Variants in SLC47A2 observed in about 807,000 individuals in gnomAD.
The protein encoded by SLC47A2 is solute carrier family 47 member 2.
Under a neutral mutation model 67.7 loss-of-function variants are expected in SLC47A2, and 52 were observed. The observed-to-expected ratio is 0.77, with a 90% CI of 0.61 to 0.97. The LOEUF (loss-of-function observed/expected upper bound fraction) is 0.97. Among genes scored for constraint, SLC47A2 ranks in the 50% least tolerant of loss-of-function variants. The pLI is 0.00. For synonymous variants in SLC47A2, 278 were observed against 292.9 expected, an observed-to-expected ratio of 0.95 and a Z score of 0.52; for missense variants, 676 against 712.3, an observed-to-expected ratio of 0.95 and a Z score of 0.58.
At chr17:19,713,603 A>G (rs1280560342) in intron 4 of SLC47A2, among the ~76,000 whole-genome samples, 2 of 152,214 alleles carry the variant, frequency 1.3e-5, no homozygotes, top group African/African-American at 4.8e-5. Context: ...CTAAATTAAA[A>G]CTGGGCGTTT....
chr17:19,718,453 G>C (rs780494913), upstream of SLC47A2: 2 of 152,348 alleles, frequency 1.3e-5, no homozygotes, highest in Non-Finnish European at 2.9e-5. Flanking sequence ...CCATCAGCTC[G>C]GTGACATCAG....
chr17:19,690,168 G>A (rs1165403438), intron 13 of SLC47A2, among the ~76,000 whole-genome samples: 2 of 152,056 alleles, frequency 1.3e-5, no homozygotes, highest in South Asian at 2.1e-4. Context: ...CATACATGGG[G>A]GAAAGGACAG....
At chr17:19,684,812 CCT>C (rs1467939396) in intron 13 of SLC47A2, among the ~76,000 whole-genome samples, 2 of 147,878 alleles carry the variant, frequency 1.4e-5, no homozygotes, top group African/African-American at 2.7e-5. Context: ...TACTTTTCGC[CCT>C]CTCCCTCTCC....
intron 2 of SLC47A2, 61 bp downstream of exon 2, chr17:19,715,055 G>T: frequency 6.4e-7 from 1 of 1,557,124 alleles, no homozygotes; most frequent in Non-Finnish European, 8.8e-7. Flanking sequence ...GCCCACCCGG[G>T]AACCCGGTGG....
rs563442400 is a variant in SLC47A2 at position 19,680,020 on chromosome 17, C to T, written c.1412G>A (p.Arg471Gln). 45 of 1,613,938 alleles carry T rather than the reference C, an allele frequency of 2.8e-5. No homozygotes were observed. The highest frequency in any genetic ancestry group is 2.0e-4 in the African/African-American group (15 of 74,994). The part of the protein sequence containing the change: ...AAEEAKKHSG[R>Q]QQQQRAESTA... ...GCTCTCTGCTCTCTGCTGCTGCTGC[C>T]GGCCTGAATGTTTCTTAGCCTAAAG... is the stretch of plus-strand genomic sequence containing the variant. The change falls in exon 16 of 17, where the codon CGG (arginine) becomes CAG (glutamine). Residue 471 changes from arginine (R) to glutamine (Q), a missense_variant. Physicochemically the swap from Arg to Gln is conservative, Grantham distance 43 (BLOSUM62 1). Coordinates refer to ENST00000433844, the MANE Select transcript of SLC47A2 (RefSeq NM_001099646.3).
chr17:19,704,940 C>A, intron 10 of SLC47A2: 1 of 417,432 alleles, frequency 2.4e-6, no homozygotes, highest in Non-Finnish European at 4.2e-6. Flanking sequence ...ATTCTTCTGC[C>A]TCAGCCTCCC....
At chr17:19,701,022 G>A (rs966152418) in intron 13 of SLC47A2, among the ~76,000 whole-genome samples, 3 of 151,704 alleles carry the variant, frequency 2.0e-5, no homozygotes, top group Non-Finnish European at 4.4e-5. Context: ...ACAAAAATTA[G>A]CCAGGCATGG....
At chr17:19,687,467 C>T (rs1296263034) in intron 13 of SLC47A2, among the ~76,000 whole-genome samples, 1 of 151,594 alleles carries the variant, frequency 6.6e-6, no homozygotes, top group Non-Finnish European at 1.5e-5. Context: ...GCAAACCAAA[C>T]CCAAAATTAG....
At chr17:19,678,954 A>G in intron 16 of SLC47A2, 48 bp from the exon 17 acceptor site, 1 of 1,519,210 alleles carries the variant, frequency 6.6e-7, no homozygotes, top group South Asian at 1.2e-5. Flanking sequence ...GGTCAGAGGG[A>G]GAGCTTTGGC....
chr17:19,686,687 G>A (rs567659433), intron 13 of SLC47A2, among the ~76,000 whole-genome samples: 12 of 152,276 alleles, frequency 7.9e-5, no homozygotes, highest in African/African-American at 2.6e-4. Context: ...GACCAAAACT[G>A]TAAAAAGAGA....
rs1003261384 is a variant in SLC47A2 at position 19,678,908 on chromosome 17, T to C, written c.1481-2A>G. On this transcript the variant is annotated splice_acceptor_variant, in intron 16 of 16. Coordinates refer to ENST00000433844, the MANE Select transcript of SLC47A2 (RefSeq NM_001099646.3). LOFTEE classifies it high-confidence loss of function. ...TGCCAGGGGAACTGCCTGTAGCCAC[T>C]GCGGAAGCAAACAGGAGCAAACTCA... The C allele has an allele frequency of 9.0e-6, 14 of 1,563,634 alleles. No homozygotes were observed. Among genetic ancestry groups the C allele is most frequent in the Non-Finnish European group, 1.1e-5 (13 of 1,152,632 alleles).
intron 5 of SLC47A2, 126 bp from the exon 6 acceptor site, chr17:19,708,886 C>G: frequency 1.6e-6 from 2 of 1,230,208 alleles, no homozygotes; most frequent in Non-Finnish European, 1.2e-6. Context: ...CAAAGTATGT[C>G]TGGGACCTCT....
chr17:19,699,932 C>CT (rs1373685669), intron 13 of SLC47A2, among the ~76,000 whole-genome samples: 1 of 152,150 alleles, frequency 6.6e-6, no homozygotes, highest in Non-Finnish European at 1.5e-5. Context: ...TACAATGGAA[C>CT]TACTCGGTAA....
intron 15 of SLC47A2, among the ~76,000 whole-genome samples, chr17:19,680,869 T>TA (rs1453633640): frequency 1.3e-5 from 2 of 152,178 alleles, no homozygotes; most frequent in Non-Finnish European, 2.9e-5. Context: ...GCATGCTTCT[T>TA]ATACTGGCCA....
At chr17:19,697,019 T>C (rs981106977) in intron 13 of SLC47A2, among the ~76,000 whole-genome samples, 37 of 152,094 alleles carry the variant, frequency 2.4e-4, no homozygotes, top group African/African-American at 8.9e-4. Context: ...AGGCCAGGCG[T>C]GGTGGCTCAC....
intron 13 of SLC47A2, among the ~76,000 whole-genome samples, chr17:19,699,812 C>A (rs1477327178): frequency 2.0e-5 from 3 of 152,186 alleles, no homozygotes; most frequent in Non-Finnish European, 4.4e-5. Flanking sequence ...CAAATCCACA[C>A]AAAGACTTCC....
chr17:19,710,773 G>A (rs899849360), intron 5 of SLC47A2, among the ~76,000 whole-genome samples: 6 of 149,660 alleles, frequency 4.0e-5, no homozygotes, highest in East Asian at 2.0e-4. Flanking sequence ...TTTTAAGCTC[G>A]TTAAAGACAT....
intron 13 of SLC47A2, among the ~76,000 whole-genome samples, chr17:19,691,294 T>C (rs2085535283): frequency 6.6e-6 from 1 of 152,178 alleles, no homozygotes; most frequent in Non-Finnish European, 1.5e-5. Context: ...AAGAGATACC[T>C]GCACTCCCAT....
At chr17:19,705,566 A>G (rs995790176) in intron 9 of SLC47A2, 63 bp from the exon 10 acceptor site, 7 of 1,499,100 alleles carry the variant, frequency 4.7e-6, no homozygotes, top group Middle Eastern at 2.2e-4. Flanking sequence ...CTGCGCCGAC[A>G]GGACGCTGCT....
Sources: gnomAD v4.1 joint callset for allele counts (sites outside exome capture counted in the v4.1 genomes callset) on GRCh38, gnomAD v4.1.1 for gene constraint, MANE v1.5 for transcripts, NCBI Gene and HGNC (gene_info 2026-07-23, HGNC 2026-07-21) for gene names.